HIVEP3: variants seen among roughly 807,000 people sequenced by gnomAD.
HIVEP3 encodes HIVEP zinc finger 3.
Under a neutral mutation model 152.8 loss-of-function variants are expected in HIVEP3, and 49 were observed. The observed-to-expected ratio is 0.32, with a 90% confidence interval of 0.26 to 0.41. The LOEUF (loss-of-function observed/expected upper bound fraction) is 0.41. HIVEP3 is among the 10% of genes least tolerant of loss of function. HIVEP3 has a pLI of 1.00. For missense variants in HIVEP3, 2,790 were observed against 3,103.3 expected (o/e 0.90, Z 2.40); for synonymous variants, 1,269 against 1,289.0 (o/e 0.98, Z 0.33).
At chr1:41,788,810 C>T (rs930980967) in intron 1 of HIVEP3, among the ~76,000 whole-genome samples, 2 of 152,232 alleles carry the variant, frequency 1.3e-5, no homozygotes, top group Non-Finnish European at 2.9e-5. Context: ...AAGGAGGGGT[C>T]ATGTCAGCCA....
rs144251800 is a variant in HIVEP3, at chr1:41,959,779, T to G, written n.120-41255A>C. Among the ~76,000 whole-genome samples, 6 of 152,310 alleles carry G rather than the reference T, an allele frequency of 3.9e-5. No homozygotes were observed. In the East Asian group the frequency reaches 1.2e-3, roughly 29 times the overall value. ...TGCACTTCCTACATGTAGTACCTTA[T>G]GCTCCACGGGGCTAGAGATGTGTCC... On this transcript the variant is annotated intron_variant and non_coding_transcript_variant, in intron 1 of 3. Coordinates refer to the HIVEP3 transcript ENST00000489103.
intron 2 of HIVEP3, among the ~76,000 whole-genome samples, chr1:41,687,095 G>T (rs1456765259): frequency 6.6e-6 from 1 of 152,166 alleles, no homozygotes; most frequent in Non-Finnish European, 1.5e-5. Flanking sequence ...GGACATTTAA[G>T]TAAAGACCCA....
chr1:41,737,941 G>T (rs1295637282), intron 1 of HIVEP3, among the ~76,000 whole-genome samples: 1 of 152,224 alleles, frequency 6.6e-6, no homozygotes. Flanking sequence ...CTGTGCTGGG[G>T]CCTTTGCTGT....
intron 1 of HIVEP3, among the ~76,000 whole-genome samples, chr1:41,902,681 G>A (rs1165232816): frequency 6.6e-6 from 1 of 152,206 alleles, no homozygotes; most frequent in Non-Finnish European, 1.5e-5. Flanking sequence ...GTGATCCAAC[G>A]CCATCTGAGC....
At position 41,873,088 on chromosome 1, in the gene HIVEP3, G is replaced by C. The variant is rs1008050907; in HGVS notation, c.-801+45325C>G. 6.6e-5 allele frequency among the ~76,000 whole-genome samples: 10 copies of C among 152,350 alleles called. No homozygotes were observed. The highest frequency in any genetic ancestry group is 3.4e-3 in the Middle Eastern group (1 of 294). On this transcript the variant is annotated intron_variant, in intron 1 of 8. Coordinates refer to ENST00000372583, the MANE Select transcript of HIVEP3 (RefSeq NM_024503.5). The surrounding 1 kb of genome is among the most constrained non-coding windows in gnomAD (Gnocchi z 4.2). ...TGTAGTGCATCTGAAAGCACATGGG[G>C]GCTGCTTTGCTGAAGGGGCTGGCAG... is the stretch of plus-strand genomic sequence containing the variant.
At chr1:41,761,183 T>G (rs556283776) in intron 1 of HIVEP3, among the ~76,000 whole-genome samples, 1 of 152,364 alleles carries the variant, frequency 6.6e-6, no homozygotes, top group Non-Finnish European at 1.5e-5. Context: ...TGTGCATATG[T>G]GTATGCACCT....
chr1:41,859,410 T>C (rs928130364), intron 1 of HIVEP3, among the ~76,000 whole-genome samples: 1 of 152,240 alleles, frequency 6.6e-6, no homozygotes, highest in African/African-American at 2.4e-5. Flanking sequence ...TAATGTCATG[T>C]CTTCAATATT....
In HIVEP3 at chr1:41,512,858, G is replaced by C. The variant is rs1642472418; in HGVS notation, c.6363C>G (p.His2121Gln). 28 of 1,544,184 alleles carry C rather than the reference G, an allele frequency of 1.8e-5. No homozygotes were observed. The highest frequency in any genetic ancestry group is 2.5e-5 in the Non-Finnish European group (28 of 1,140,402). Residue 2121 changes from histidine (H) to glutamine (Q), a missense_variant, in exon 8 of 9, where the codon CAC becomes CAG. Physicochemically the swap from His to Gln is conservative, Grantham distance 24. This residue lies in a region of HIVEP3 where 816 missense variants were observed against 806.5 expected (regional missense o/e 1.01). Transcript: ENST00000372583. ...TCTCTGGGCTTCTGCTGAGGAGCTTGTGAGGTAGAGGCGCGGGCGGGAAGA... is the reference window on the plus strand; with the variant it reads ...TCTCTGGGCTTCTGCTGAGGAGCTTCTGAGGTAGAGGCGCGGGCGGGAAGA... ...RVLFPPAPLP[H>Q]KLLSRSPETC... is the part of the protein sequence containing the mutation.
chr1:41,914,970 C>T (rs1417851023), intron 1 of HIVEP3, among the ~76,000 whole-genome samples: 2 of 152,152 alleles, frequency 1.3e-5, no homozygotes, highest in Non-Finnish European at 2.9e-5. Flanking sequence ...ATAACAGTAG[C>T]ATAGTAGTTC....
chr1:42,015,326 C>G (rs562787375), intron 1 of HIVEP3, among the ~76,000 whole-genome samples: 2 of 152,306 alleles, frequency 1.3e-5, no homozygotes, highest in African/African-American at 4.8e-5. Flanking sequence ...CCCATCTCCC[C>G]AGAATTAAGT....
At chr1:41,615,708 C>A (rs1644958279) in intron 3 of HIVEP3, among the ~76,000 whole-genome samples, 1 of 151,328 alleles carries the variant, frequency 6.6e-6, no homozygotes, top group Admixed American at 6.6e-5. Context: ...AGAAAACAAT[C>A]ATGGGATGGT....
At chr1:42,008,766 T>TACTCCC (rs1326081225) in intron 1 of HIVEP3, among the ~76,000 whole-genome samples, 1 of 152,238 alleles carries the variant, frequency 6.6e-6, no homozygotes, top group African/African-American at 2.4e-5. Context: ...AACATTCATC[T>TACTCCC]ACTCCCACCC....
At chr1:41,682,560 C>G (rs972314076) in intron 2 of HIVEP3, among the ~76,000 whole-genome samples, 6 of 152,134 alleles carry the variant, frequency 3.9e-5, no homozygotes, top group Admixed American at 2.6e-4. Context: ...CCAGAAACAC[C>G]AAGAAATACC....
intron 5 of HIVEP3, among the ~76,000 whole-genome samples, chr1:41,559,073 A>G (rs1644014498): frequency 1.3e-5 from 2 of 152,022 alleles, no homozygotes; most frequent in South Asian, 4.2e-4. Flanking sequence ...CACTCATGTC[A>G]ACAGATGACC....
rs114733406 is a variant in HIVEP3 at position 41,868,197 on chromosome 1, G to T, written c.-801+50216C>A. On this transcript the variant is annotated intron_variant, in intron 1 of 8. Coordinates refer to ENST00000372583, the MANE Select transcript of HIVEP3 (RefSeq NM_024503.5). ...AGTAGTTATATAATAGTTTGTGGGG[G>T]TTTTTTTTTTTTTGGTCTTGTTTTT... 2.1e-3 allele frequency among the ~76,000 whole-genome samples: 302 copies of T among 146,218 alleles called. 1 individual carries two copies. The highest frequency in any genetic ancestry group is 3.6e-3 in the Middle Eastern group (1 of 276).
chr1:41,650,788 A>G (rs1266272964), intron 2 of HIVEP3, among the ~76,000 whole-genome samples: 1 of 152,218 alleles, frequency 6.6e-6, no homozygotes, highest in Non-Finnish European at 1.5e-5. Flanking sequence ...TATTACACAG[A>G]AACCTTTTTC....
At chr1:41,639,120 A>G (rs1645332776) in intron 2 of HIVEP3, among the ~76,000 whole-genome samples, 1 of 152,248 alleles carries the variant, frequency 6.6e-6, no homozygotes, top group Non-Finnish European at 1.5e-5. Context: ...TGGGGCAGGG[A>G]ATTGTGGGAT....
At chr1:41,987,928 T>G (rs1427063996) in intron 1 of HIVEP3, among the ~76,000 whole-genome samples, 9 of 152,016 alleles carry the variant, frequency 5.9e-5, no homozygotes, top group Non-Finnish European at 8.8e-5. Flanking sequence ...TCATGAGAAT[T>G]CACTCACTAT....
intron 1 of HIVEP3, among the ~76,000 whole-genome samples, chr1:41,820,963 G>A (rs1642577685): frequency 6.6e-6 from 1 of 152,206 alleles, no homozygotes; most frequent in Non-Finnish European, 1.5e-5. Context: ...TAGCACCTGT[G>A]ACAGGTGGGA....
Sources: allele counts gnomAD v4.1 joint callset (sites outside exome capture counted in the v4.1 genomes callset), GRCh38; gene constraint gnomAD v4.1.1; regional missense constraint gnomAD v4.1.1; non-coding constraint Gnocchi (gnomAD v3.1); transcripts MANE v1.5; gene names NCBI Gene and HGNC (gene_info 2026-07-23, HGNC 2026-07-21).